UNKL: variants seen among roughly 807,000 people sequenced by gnomAD.
The protein encoded by UNKL is unk like zinc finger.
Under a neutral mutation model 78.0 loss-of-function variants are expected in UNKL, and 60 were observed. That is an observed-to-expected ratio of 0.77 (90% CI 0.63 to 0.95). UNKL has a LOEUF of 0.95. Among genes scored for constraint, UNKL ranks in the 40% least tolerant of loss-of-function variants. The pLI is 0.00. For synonymous variants in UNKL, 608 were observed against 474.8 expected (o/e 1.28, Z -3.65); for missense variants, 1,159 against 1,045.7 (o/e 1.11, Z -1.49).
chr16:1,414,648 GA>G lies in UNKL; in HGVS notation c.43del (p.Ser15ProfsTer14). 3.5e-6 allele frequency: 4 copies of G among 1,141,560 alleles called. No homozygotes were observed. Among genetic ancestry groups the G allele is most frequent in the Non-Finnish European group, 4.4e-6 (4 of 919,178 alleles). The allele number at this position is 1,141,560 out of a possible 1,614,324, so 70.7% of individuals were successfully genotyped here. On this transcript the variant is annotated frameshift_variant, in exon 1 of 15. Coordinates refer to ENST00000389221, the MANE Select transcript of UNKL (RefSeq NM_001372107.1). LOFTEE classifies it high-confidence loss of function. ...GGTCGGCTTCTCAGTCTGCGGGGGG[GA>G]CCCGCTCAGCGCCGCTGCCGCCGCT... Reference protein sequence around the residue: ...SKAAAAALSGSPPQTEKPTHY... With the variant: ...SKAAAAALSGXPPQTEKPTHY...
rs1165299370 is a variant in UNKL, at chr16:1,366,273, G to A, written c.2169C>T (p.Cys723=). ...GCAGGGGCTGGCCCTTGCAGTAGGGGCACTCAGGTGCGGTGGCCGCACACG... is the reference window on the plus strand; with the variant it reads ...GCAGGGGCTGGCCCTTGCAGTAGGGACACTCAGGTGCGGTGGCCGCACACG... ...CEPCAATAPE[C]PYCKGQPLQW Residue 723 remains cysteine (C), a synonymous_variant, in exon 15 of 15, where the codon TGC becomes TGT. Transcript: ENST00000389221. 3 of 1,590,088 alleles carry A rather than the reference G, an allele frequency of 1.9e-6. No individual in the cohort carries two copies. In the African/African-American group the frequency reaches 4.0e-5, roughly 21 times the overall value.
chr16:1,406,209 ATATTGCTAATTTTTTTTTTTT>A (rs2037755754), intron 2 of UNKL: 1 of 304,672 alleles, frequency 3.3e-6, no homozygotes, highest in African/African-American at 3.2e-5. Context: ...ATGCCGGGCT[ATATTGCTAATTTTTTTTTTTT>A]TTGAGACAGA....
At chr16:1,398,736 G>C in intron 5 of UNKL, 1 of 1,310,168 alleles carries the variant, frequency 7.6e-7, no homozygotes, top group Non-Finnish European at 9.9e-7. Flanking sequence ...GCCAGGCCAG[G>C]CACAACCAGA....
At chr16:1,395,026 T>C (rs1334324316) in intron 6 of UNKL, among the ~76,000 whole-genome samples, 3 of 151,932 alleles carry the variant, frequency 2.0e-5, no homozygotes. Context: ...TACAAGCATG[T>C]GCCACCACAC....
rs536806354 is a variant in UNKL, at chr16:1,390,616, C to A, written c.1086+16G>T. 4.3e-5 allele frequency: 66 copies of A among 1,535,838 alleles called. No individual in the cohort carries two copies. Among genetic ancestry groups the A allele is most frequent in the Middle Eastern group, 3.3e-4 (2 of 5,984 alleles). ...CGACATCAGGCACGAGGGTGGGAAA[C>A]CTTGGGGGCCTGTACCTGCTTGCTG... is the stretch of plus-strand genomic sequence containing the variant. On this transcript the variant is annotated intron_variant, in intron 9 of 14. Coordinates refer to ENST00000389221, the MANE Select transcript of UNKL (RefSeq NM_001372107.1).
At chr16:1,381,025 A>G (rs933877853) in intron 10 of UNKL, among the ~76,000 whole-genome samples, 30 of 151,960 alleles carry the variant, frequency 2.0e-4, no homozygotes, top group African/African-American at 5.8e-4. Context: ...CGCGAGTGAC[A>G]TACTAAAACA....
chr16:1,365,187 T>G lies in UNKL; in HGVS notation c.*1053A>C, dbSNP rs752489384. The G allele has an allele frequency of 6.6e-6, 1 of 152,264 alleles. No homozygotes were observed. The highest frequency in any genetic ancestry group is 1.5e-5 in the Non-Finnish European group (1 of 68,036). The allele number at this position is 152,264 out of a possible 1,614,324, so 9.4% of individuals were successfully genotyped here. On this transcript the variant is annotated 3_prime_UTR_variant, in exon 15 of 15. Coordinates refer to ENST00000389221, the MANE Select transcript of UNKL (RefSeq NM_001372107.1). ...TTTTGTATTTTTACTAAGACGGGGTTGCACCATGTTGGCCAGGCTGGTCTT... is the reference window on the plus strand; with the variant it reads ...TTTTGTATTTTTACTAAGACGGGGTGGCACCATGTTGGCCAGGCTGGTCTT...
At position 1,367,179 on chromosome 16, in the gene UNKL, C is replaced by G; in HGVS notation, c.1959G>C (p.Arg653=). Residue 653 remains arginine (R), a synonymous_variant, in exon 14 of 15, where the codon CGG becomes CGC. Transcript: ENST00000389221. ...GAATGGTGCCGATGTCCCCACAGCC[C>G]CGCAGCCCCGGCAGTGTGGAGGCTA... ...LGVASTLPGL[R]GCGDIGTIPL... 5 of 1,606,046 alleles carry G rather than the reference C, an allele frequency of 3.1e-6. No individual in the cohort carries two copies. The highest frequency in any genetic ancestry group is 4.2e-6 in the Non-Finnish European group (5 of 1,178,200).
intron 9 of UNKL, 127 bp from the exon 10 acceptor site, chr16:1,385,512 A>T: frequency 1.0e-6 from 1 of 998,116 alleles, no homozygotes; most frequent in East Asian, 3.4e-5. Flanking sequence ...GCCCAGGGAG[A>T]GCTTCCCAGA....
rs993112238 is a variant in UNKL at position 1,364,670 on chromosome 16, G to C, written c.*1570C>G. Reference sequence around the variant, plus strand: ...GGACCACAGCAGAGCCGGGACCTGGGGGGGGTCGCTTCCCCCGTGTGCTCC... The same window carrying C: ...GGACCACAGCAGAGCCGGGACCTGGCGGGGGTCGCTTCCCCCGTGTGCTCC... On this transcript the variant is annotated 3_prime_UTR_variant, in exon 15 of 15. Coordinates refer to ENST00000389221, the MANE Select transcript of UNKL (RefSeq NM_001372107.1). 6.6e-6 allele frequency: 1 copy of C among 152,224 alleles called. No individual in the cohort carries two copies. Among genetic ancestry groups the C allele is most frequent in the South Asian group, 2.1e-4 (1 of 4,836 alleles). The allele number at this position is 152,224 out of a possible 1,614,324, so 9.4% of individuals were successfully genotyped here. A position where few individuals can be genotyped will look rare whatever the true frequency, so the allele number is the denominator to read the frequency against.
chr16:1,406,097 T>C (rs2037750514), intron 2 of UNKL: 1 of 455,344 alleles, frequency 2.2e-6, no homozygotes, highest in South Asian at 1.5e-5. Flanking sequence ...AGACAGGCAG[T>C]GTACACGACT....
At position 1,403,320 on chromosome 16, in the gene UNKL, C is replaced by T. The variant is rs1376656951; in HGVS notation, c.312G>A (p.Thr104=). 9 of 1,614,026 alleles carry T rather than the reference C, an allele frequency of 5.6e-6. No homozygotes were observed. Among genetic ancestry groups the T allele is most frequent in the South Asian group, 3.3e-5 (3 of 91,080 alleles). Residue 104 remains threonine, a synonymous_variant, in exon 3 of 15, where the codon ACG becomes ACA. Coordinates refer to ENST00000389221, the MANE Select transcript of UNKL (RefSeq NM_001372107.1). The surrounding 1 kb of genome is among the most constrained non-coding windows in gnomAD (Gnocchi z 4.8). The part of the protein sequence containing the change: ...GDECPYLHRT[T]GDTERKYHLR... ...GGTGGTACTTGCGTTCTGTGTCCCCCGTCGTCCGGTGCAGGTAGGGACACC... is the reference window on the plus strand; with the variant it reads ...GGTGGTACTTGCGTTCTGTGTCCCCTGTCGTCCGGTGCAGGTAGGGACACC...
At position 1,379,693 on chromosome 16, in the gene UNKL, CGCCCCGCCCCCTCCGCGCTG is replaced by C. The variant is rs1258743961; in HGVS notation, c.1264+5495_1264+5514del. 7 of 984,260 alleles carry C rather than the reference CGCCCCGCCCCCTCCGCGCTG, an allele frequency of 7.1e-6. No homozygotes were observed. The East Asian group carries it at 3.4e-4, about 48-fold the overall frequency. The allele number at this position is 984,260 out of a possible 1,614,324, so 61.0% of individuals were successfully genotyped here. On this transcript the variant is annotated intron_variant, in intron 10 of 14. Transcript: ENST00000389221. Reference sequence around the variant, plus strand: ...CCGCCGGGGATTCAAACCCGGCCCGCGCCCCGCCCCCTCCGCGCTGGCCCCGCCCCGCAACGTGACTCGGC... The same window carrying C: ...CCGCCGGGGATTCAAACCCGGCCCGCGCCCCGCCCCGCAACGTGACTCGGC...
At chr16:1,406,004 C>T (rs1253167751) in intron 2 of UNKL, 2 of 456,728 alleles carry the variant, frequency 4.4e-6, no homozygotes, top group South Asian at 3.1e-5. Flanking sequence ...CCCATGTGGT[C>T]CCCCCAGCTG....
At chr16:1,402,257 T>A (rs2037560280) in intron 3 of UNKL, among the ~76,000 whole-genome samples, 1 of 39,704 alleles carries the variant, frequency 2.5e-5, no homozygotes, top group Non-Finnish European at 5.5e-5. Flanking sequence ...GTGTGCTGAG[T>A]TCGTTCTCCT....
chr16:1,385,595 C>T (rs2142093465), intron 9 of UNKL, among the ~76,000 whole-genome samples: 1 of 152,350 alleles, frequency 6.6e-6, no homozygotes, highest in South Asian at 2.1e-4. Flanking sequence ...GCACTTGGGA[C>T]AGGCACAGAC....
chr16:1,375,000 G>A (rs988058056), intron 10 of UNKL, among the ~76,000 whole-genome samples: 28 of 152,200 alleles, frequency 1.8e-4, no homozygotes, highest in African/African-American at 6.8e-4. Context: ...TCACCCCTCT[G>A]CCCAGGCCTC....
intron 3 of UNKL, among the ~76,000 whole-genome samples, chr16:1,402,381 G>A (rs2037565204): frequency 6.6e-6 from 1 of 152,246 alleles, no homozygotes; most frequent in Non-Finnish European, 1.5e-5. Context: ...AACATCCAGA[G>A]GCCAGGTGCA....
chr16:1,379,415 G>A (rs536611338), intron 10 of UNKL: 110 of 946,910 alleles, frequency 1.2e-4, no homozygotes, highest in Middle Eastern at 1.1e-3. Flanking sequence ...GGGAAGCGGC[G>A]AGCGCCCGGC....
Sources: allele counts gnomAD v4.1 joint callset (sites outside exome capture counted in the v4.1 genomes callset), GRCh38; gene constraint gnomAD v4.1.1; non-coding constraint Gnocchi (gnomAD v3.1); transcripts MANE v1.5; gene names NCBI Gene and HGNC (gene_info 2026-07-23, HGNC 2026-07-21).